TAOK3: variants seen among roughly 807,000 people sequenced by gnomAD.
The protein encoded by TAOK3 is serine/threonine-protein kinase TAO3.
Under a neutral mutation model 120.4 loss-of-function variants are expected in TAOK3, and 40 were observed. The ratio of observed to expected loss-of-function variants is 0.33; its 90% CI spans 0.26 to 0.43. TAOK3 has a LOEUF of 0.43. Among genes scored for constraint, TAOK3 ranks in the 20% least tolerant of loss-of-function variants. The probability of loss-of-function intolerance (pLI) is 1.00; values close to 1 mark genes in which losing one functional copy is unlikely to be tolerated. For missense variants in TAOK3, 821 were observed against 1,112.1 expected (o/e 0.74, Z 3.72); for synonymous variants, 355 against 387.5 (o/e 0.92, Z 0.99).
chr12:118,192,443 A>G (rs2139119605), intron 13 of TAOK3, among the ~76,000 whole-genome samples: 1 of 152,272 alleles, frequency 6.6e-6, no homozygotes, highest in African/African-American at 2.4e-5. Flanking sequence ...GATCATTTTC[A>G]TAACAGAGAT....
At chr12:118,180,624 A>C (rs571830114) in intron 15 of TAOK3, among the ~76,000 whole-genome samples, 31 of 152,196 alleles carry the variant, frequency 2.0e-4, no homozygotes, top group African/African-American at 7.2e-4. Context: ...CGGACTCATT[A>C]TTTGCTCCTT....
intron 1 of TAOK3, among the ~76,000 whole-genome samples, chr12:118,328,106 T>G (rs963338781): frequency 8.6e-5 from 13 of 151,436 alleles, no homozygotes; most frequent in African/African-American, 3.2e-4. Flanking sequence ...CAGGCTGGAG[T>G]GCAGTGGTGC....
At chr12:118,216,208 G>A (rs2038893977) in intron 9 of TAOK3, among the ~76,000 whole-genome samples, 1 of 152,060 alleles carries the variant, frequency 6.6e-6, no homozygotes, top group Admixed American at 6.6e-5. Flanking sequence ...AACCAGGCTG[G>A]TCTTGAACTT....
intron 1 of TAOK3, among the ~76,000 whole-genome samples, chr12:118,290,283 C>A (rs933618886): frequency 1.3e-5 from 2 of 152,154 alleles, no homozygotes; most frequent in Non-Finnish European, 2.9e-5. Context: ...AGGCCTCACA[C>A]TGGATGCCTC....
chr12:118,301,067 CAT>C (rs1307803721), intron 1 of TAOK3, among the ~76,000 whole-genome samples: 2 of 152,066 alleles, frequency 1.3e-5, no homozygotes, highest in East Asian at 1.9e-4. Flanking sequence ...TGAGCCACTG[CAT>C]CCTGCCTATT....
chr12:118,345,561 C>T (rs919882721), intron 1 of TAOK3, among the ~76,000 whole-genome samples: 3 of 152,062 alleles, frequency 2.0e-5, no homozygotes, highest in African/African-American at 4.8e-5. Flanking sequence ...CTTTCAAGCC[C>T]TGGCTGCTCA....
chr12:118,355,851 TATTATA>T (rs1366694859), intron 1 of TAOK3, among the ~76,000 whole-genome samples: 7 of 152,298 alleles, frequency 4.6e-5, no homozygotes, highest in South Asian at 2.1e-4. Flanking sequence ...GTGAAGTAGG[TATTATA>T]ATTATATCAA....
chr12:118,321,951 C>A (rs982258983), intron 1 of TAOK3, among the ~76,000 whole-genome samples: 19 of 151,990 alleles, frequency 1.3e-4, no homozygotes, highest in African/African-American at 2.9e-4. Flanking sequence ...CCAAAAAATC[C>A]AGGAGTAAAT....
chr12:118,246,616 A>C, intron 3 of TAOK3: 1 of 1,576,088 alleles, frequency 6.3e-7, no homozygotes. Flanking sequence ...GGCAAGCCCC[A>C]CACTGTCCCT....
intron 3 of TAOK3, 106 bp from the exon 4 acceptor site, chr12:118,245,071 C>T (rs2040430880): frequency 3.0e-6 from 2 of 673,646 alleles, no homozygotes. Context: ...TATTTATTGA[C>T]AGTCTCATTC....
chr12:118,170,624 G>A (rs1197208010), intron 17 of TAOK3, among the ~76,000 whole-genome samples: 6 of 152,106 alleles, frequency 3.9e-5, no homozygotes, highest in Admixed American at 3.3e-4. Flanking sequence ...TTAACCGGGC[G>A]TGGTGGTGTG....
At chr12:118,308,338 C>T (rs910484745) in intron 1 of TAOK3, among the ~76,000 whole-genome samples, 12 of 151,734 alleles carry the variant, frequency 7.9e-5, no homozygotes, top group South Asian at 2.1e-4. Flanking sequence ...AGCAACCCCC[C>T]GGGGCTGCTC....
chr12:118,205,937 T>C (rs2038283421), intron 11 of TAOK3, among the ~76,000 whole-genome samples: 5 of 151,972 alleles, frequency 3.3e-5, no homozygotes. Flanking sequence ...TCTTTTTTTT[T>C]TTTTTGCCTT....
intron 11 of TAOK3, among the ~76,000 whole-genome samples, chr12:118,208,424 G>GA (rs33967442): frequency 2.0e-5 from 3 of 151,334 alleles, no homozygotes; most frequent in South Asian, 4.2e-4. Flanking sequence ...AGAGAAATAG[G>GA]AAAAAAAAAA....
In TAOK3 at chr12:118,243,420, C is replaced by T. The variant is rs780228858; in HGVS notation, c.289G>A (p.Ala97Thr). ...YKGCYLKEHT[A>T]WLVMEYCLGS... ...ATAGAGGTCCTTCGACTTACCCAAG[C>T]AGTGTGTTCTTTCAAGTAACAGCCT... The change falls in exon 5 of 21, where the codon GCT (alanine) becomes ACT (threonine). Residue 97 changes from alanine (A) to threonine (T), a missense_variant. Transcript: ENST00000392533. The T allele has an allele frequency of 1.3e-6, 2 of 1,551,898 alleles. No individual in the cohort carries two copies. Among genetic ancestry groups the T allele is most frequent in the African/African-American group, 1.4e-5 (1 of 71,518 alleles).
chr12:118,357,429 G>A (rs999289334), intron 1 of TAOK3, among the ~76,000 whole-genome samples: 1 of 152,078 alleles, frequency 6.6e-6, no homozygotes, highest in African/African-American at 2.4e-5. Flanking sequence ...TCCACAAAAG[G>A]GTCAGTGTGA....
chr12:118,218,235 T>C (rs2039038945), intron 9 of TAOK3, among the ~76,000 whole-genome samples: 1 of 152,144 alleles, frequency 6.6e-6, no homozygotes, highest in Non-Finnish European at 1.5e-5. Flanking sequence ...TGTGGTCGAA[T>C]GGATTTATAT....
At chr12:118,370,067 G>C (rs1254257358) in intron 1 of TAOK3, among the ~76,000 whole-genome samples, 2 of 152,104 alleles carry the variant, frequency 1.3e-5, no homozygotes, top group Non-Finnish European at 2.9e-5. Flanking sequence ...TAGAGACGGG[G>C]TTTCATCATG....
Position 118,231,808 on chromosome 12 carries a change from A to C in TAOK3, c.643+1866T>G, listed in dbSNP as rs1305898188. Among the ~76,000 whole-genome samples the C allele has an allele frequency of 1.3e-5, 2 of 151,978 alleles. 1 individual carries two copies. The highest frequency in any genetic ancestry group is 2.9e-5 in the Non-Finnish European group (2 of 67,986). On this transcript the variant is annotated intron_variant, in intron 9 of 20. Transcript: ENST00000392533. ...CGTGGTGGTGCATGCCTGTAATCCC[A>C]GCTACTTGGGTGGCTGAGGCAGGAG... is the stretch of plus-strand genomic sequence containing the variant.
Sources: allele counts gnomAD v4.1 joint callset (sites outside exome capture counted in the v4.1 genomes callset), GRCh38; gene constraint gnomAD v4.1.1; transcripts MANE v1.5; gene names NCBI Gene and HGNC (gene_info 2026-07-23, HGNC 2026-07-21).